RIOK1: variants seen among roughly 807,000 people sequenced by gnomAD.
RIOK1 encodes RIO kinase 1.
RIOK1 carries 66 observed loss-of-function variants against 73.5 expected under a neutral mutation model. The ratio of observed to expected loss-of-function variants is 0.90; its 90% confidence interval spans 0.74 to 1.10. RIOK1 has a LOEUF of 1.10. RIOK1 is among the 50% of genes least tolerant of loss of function. RIOK1 has a pLI of 0.00. For missense variants in RIOK1, 658 were observed against 699.8 expected, an observed-to-expected ratio of 0.94 and a Z score of 0.67; for synonymous variants, 224 against 226.8, an observed-to-expected ratio of 0.99 and a Z score of 0.11.
chr6:7,402,451 G>T, intron 6 of RIOK1, 152 bp from the exon 7 acceptor site: 1 of 576,536 alleles, frequency 1.7e-6, no homozygotes, highest in South Asian at 2.3e-5. Context: ...TTGATGTAAT[G>T]TTTTACATTT....
intron 5 of RIOK1, among the ~76,000 whole-genome samples, chr6:7,400,599 C>T (rs895634076): frequency 1.3e-5 from 2 of 152,168 alleles, no homozygotes; most frequent in African/African-American, 4.8e-5. Context: ...GATAATTTCA[C>T]CTGATTCTGT....
chr6:7,411,901 G>A lies in RIOK1; in HGVS notation c.1389+450G>A, dbSNP rs117351966. Among the ~76,000 whole-genome samples, 46 of 152,238 alleles carry A rather than the reference G, an allele frequency of 3.0e-4. No individual in the cohort carries two copies. The East Asian group carries it at 5.2e-3, about 17-fold the overall frequency. On this transcript the variant is annotated intron_variant, in intron 14 of 16. Coordinates refer to ENST00000379834, the MANE Select transcript of RIOK1 (RefSeq NM_031480.3). ...AAAAATTCACCCTCAATTTTTATTCGTGAAATTAGAAATACTTTAATAATA... is the reference window on the plus strand; with the variant it reads ...AAAAATTCACCCTCAATTTTTATTCATGAAATTAGAAATACTTTAATAATA...
chr6:7,390,465 A>C (rs765588527), intron 1 of RIOK1, among the ~76,000 whole-genome samples: 1 of 152,252 alleles, frequency 6.6e-6, no homozygotes, highest in African/African-American at 2.4e-5. Flanking sequence ...TCCTGCTGTC[A>C]TGGAACTTTA....
chr6:7,415,958 G>A (rs1038387801), intron 16 of RIOK1, among the ~76,000 whole-genome samples: 1 of 152,222 alleles, frequency 6.6e-6, no homozygotes, highest in Non-Finnish European at 1.5e-5. Flanking sequence ...AGGTACGTAT[G>A]TATAGGTAGA....
chr6:7,410,622 A>T (rs1231776160), intron 13 of RIOK1, among the ~76,000 whole-genome samples, 171 bp downstream of exon 13: 3 of 152,084 alleles, frequency 2.0e-5, no homozygotes, highest in African/African-American at 7.2e-5. Flanking sequence ...GCCAAGTTGG[A>T]TAGTTTACAT....
intron 4 of RIOK1, among the ~76,000 whole-genome samples, chr6:7,397,814 A>C (rs908343144): frequency 6.6e-6 from 1 of 152,228 alleles, no homozygotes; most frequent in African/African-American, 2.4e-5. Context: ...AGCAAATCAG[A>C]GTCTGCATTT....
rs754214836 is a variant in RIOK1 at position 7,401,003 on chromosome 6, A to G, written c.526A>G (p.Arg176Gly). 3 of 1,611,856 alleles carry G rather than the reference A, an allele frequency of 1.9e-6. No homozygotes were observed. Among genetic ancestry groups the G allele is most frequent in the African/African-American group, 1.3e-5 (1 of 74,962 alleles). ...TRMILFKMLTRGIITEINGCI... is the reference protein window; with the variant it reads ...TRMILFKMLTGGIITEINGCI... Reference sequence around the variant, plus strand: ...AATGATTTTATTCAAGATGTTGACTAGAGGAATCATAACAGAGATAAATGG... The same window carrying G: ...AATGATTTTATTCAAGATGTTGACTGGAGGAATCATAACAGAGATAAATGG... Residue 176 changes from arginine to glycine, a missense_variant, in exon 6 of 17, where the codon AGA (arginine) becomes GGA (glycine). Physicochemically the swap from Arg to Gly is moderately radical, Grantham distance 125 (BLOSUM62 -2). Coordinates refer to ENST00000379834, the MANE Select transcript of RIOK1 (RefSeq NM_031480.3).
At chr6:7,403,879 G>T in intron 8 of RIOK1, 62 bp from the exon 9 acceptor site, 1 of 1,120,566 alleles carries the variant, frequency 8.9e-7, no homozygotes, top group East Asian at 2.4e-5. Context: ...ACCTGCAGTT[G>T]TAATTTATTT....
At chr6:7,416,643 CA>C (rs34401192) in intron 16 of RIOK1, among the ~76,000 whole-genome samples, 51 of 113,528 alleles carry the variant, frequency 4.5e-4, no homozygotes, top group Middle Eastern at 4.3e-3. Context: ...GACTCCGTCT[CA>C]AAAAAAAAAA....
At chr6:7,406,955 C>T (rs1025850301) in intron 12 of RIOK1, among the ~76,000 whole-genome samples, 56 of 152,354 alleles carry the variant, frequency 3.7e-4, no homozygotes, top group Admixed American at 3.6e-3. Flanking sequence ...AGTCACCACG[C>T]CTGGCCTAGG....
At chr6:7,399,825 A>G (rs761094928) in intron 5 of RIOK1, among the ~76,000 whole-genome samples, 2 of 152,152 alleles carry the variant, frequency 1.3e-5, no homozygotes, top group South Asian at 2.1e-4. Flanking sequence ...TCTAGTTGCA[A>G]TGGTCGTGAT....
intron 12 of RIOK1, among the ~76,000 whole-genome samples, chr6:7,405,791 C>CTTTT (rs1195811408): frequency 1.3e-4 from 16 of 119,992 alleles, no homozygotes; most frequent in East Asian, 2.4e-4. Context: ...TTTTTTTTTC[C>CTTTT]TTTTTTTTTT....
intron 9 of RIOK1, 25 bp downstream of exon 9, chr6:7,404,052 T>C (rs1761679353): frequency 1.4e-6 from 2 of 1,457,576 alleles, no homozygotes; most frequent in Non-Finnish European, 1.9e-6. Flanking sequence ...GGGCTAATAA[T>C]TGCATTCTCA....
chr6:7,404,562 G>GT lies in RIOK1; in HGVS notation c.992+8dup, dbSNP rs1336837250. 1 of 1,613,078 alleles carries GT rather than the reference G, an allele frequency of 6.2e-7. No homozygotes were observed. The highest frequency in any genetic ancestry group is 1.3e-5 in the African/African-American group (1 of 74,908). Reference sequence around the variant, plus strand: ...TCAGTGAATTTAACATGCTGTGAGTGTATTTTGTCTCTTAAGAACTGCCTG... The same window carrying GT: ...TCAGTGAATTTAACATGCTGTGAGTGTTATTTTGTCTCTTAAGAACTGCCTG... On this transcript the variant is annotated splice_region_variant and intron_variant, in intron 10 of 16. Transcript: ENST00000379834.
intron 16 of RIOK1, among the ~76,000 whole-genome samples, chr6:7,416,731 G>T (rs963269057): frequency 2.6e-5 from 4 of 152,014 alleles, no homozygotes; most frequent in Non-Finnish European, 4.4e-5. Context: ...GAGGCAAGAG[G>T]ATTGCTTGAG....
rs58234662 is a variant in RIOK1 at position 7,409,213 on chromosome 6, TTGTGTGTGTGTGTGTGTGTGTG to T, written c.1204-1137_1204-1116del. On this transcript the variant is annotated intron_variant, in intron 12 of 16. Transcript: ENST00000379834. ...GGAGCCCACCACCACTCCCGACTAA[TTGTGTGTGTGTGTGTGTGTGTG>T]TGTGTGTGTGTGTGTGTGTGTGTGT... Among the ~76,000 whole-genome samples, 360 of 88,236 alleles carry T rather than the reference TTGTGTGTGTGTGTGTGTGTGTG, an allele frequency of 4.1e-3. 4 individuals are homozygous for T. The highest frequency in any genetic ancestry group is 0.014 in the African/African-American group (307 of 22,724). The allele number at this position is 88,236 out of a possible 152,430, so 57.9% of individuals were successfully genotyped here.
intron 10 of RIOK1, 23 bp from the exon 11 acceptor site, chr6:7,404,895 G>A: frequency 6.3e-7 from 1 of 1,580,978 alleles, no homozygotes; most frequent in Non-Finnish European, 8.7e-7. Context: ...CCATCCCACA[G>A]CTTCTGTGTC....
At chr6:7,411,301 C>T (rs1761877374) in intron 13 of RIOK1, 31 bp from the exon 14 acceptor site, 1 of 1,610,174 alleles carries the variant, frequency 6.2e-7, no homozygotes, top group Non-Finnish European at 8.5e-7. Flanking sequence ...GTATGAATAA[C>T]AGTTTTGATT....
At position 7,400,920 on chromosome 6, in the gene RIOK1, G is replaced by A. The variant is rs149804401; in HGVS notation, c.481-38G>A. 6.9e-5 allele frequency: 93 copies of A among 1,342,648 alleles called. No individual in the cohort carries two copies. The East Asian group carries it at 1.5e-3, about 22-fold the overall frequency. The allele number at this position is 1,342,648 out of a possible 1,614,324, so 83.2% of individuals were successfully genotyped here. A position where few individuals can be genotyped will look rare whatever the true frequency, so the allele number is the denominator to read the frequency against. ...GTTTTAATGAGGAAAATTTGGTACC[G>A]TCTTTTGGAACTTTTTAATTTTTGC... On this transcript the variant is annotated intron_variant, in intron 5 of 16. Transcript: ENST00000379834.
Sources: allele counts gnomAD v4.1 joint callset (sites outside exome capture counted in the v4.1 genomes callset), GRCh38; gene constraint gnomAD v4.1.1; transcripts MANE v1.5; gene names NCBI Gene and HGNC (gene_info 2026-07-23, HGNC 2026-07-21).